GIPC2: variants seen among roughly 807,000 people sequenced by gnomAD.
The protein encoded by GIPC2 is GIPC PDZ domain containing family member 2, also known as PDZ domain-containing protein GIPC2.
A neutral mutation model predicts 30.6 loss-of-function variants in GIPC2; 30 were observed. The ratio of observed to expected loss-of-function variants is 0.98; its 90% CI spans 0.73 to 1.33. The LOEUF is 1.33. Ranked by LOEUF, GIPC2 falls within the 40% of genes most tolerant of loss-of-function variation. GIPC2 has a pLI of 0.00. For missense variants in GIPC2, 414 were observed against 390.3 expected, an observed-to-expected ratio of 1.06 and a Z score of -0.51; for synonymous variants, 167 against 150.0, an observed-to-expected ratio of 1.11 and a Z score of -0.83.
intron 5 of GIPC2, among the ~76,000 whole-genome samples, chr1:78,128,219 C>G (rs587574): frequency 6.6e-6 from 1 of 152,026 alleles, no homozygotes; most frequent in Non-Finnish European, 1.5e-5. Flanking sequence ...TTTTGTAGAG[C>G]TGGGGTCTAC....
At chr1:78,125,199 TTTAAA>T (rs570615797) in intron 4 of GIPC2, among the ~76,000 whole-genome samples, 176 of 152,220 alleles carry the variant, frequency 1.2e-3, no homozygotes, top group African/African-American at 4.0e-3. Context: ...CCTGGTTACT[TTTAAA>T]TTAAATTAAT....
intron 4 of GIPC2, among the ~76,000 whole-genome samples, chr1:78,122,316 A>G (rs1450995570): frequency 6.6e-6 from 1 of 152,252 alleles, no homozygotes; most frequent in Non-Finnish European, 1.5e-5. Context: ...GGGATTTAAA[A>G]CAAATCACTC....
chr1:78,089,640 G>T (rs149058415), intron 2 of GIPC2, among the ~76,000 whole-genome samples: 1 of 152,088 alleles, frequency 6.6e-6, no homozygotes, highest in African/African-American at 2.4e-5. Context: ...GCCACCATAC[G>T]TGGCCCAGAT....
In GIPC2 at chr1:78,125,982, A is replaced by G; in HGVS notation, c.796+20A>G. Reference sequence around the variant, plus strand: ...ATTTAGGTAAGATTATACTATTTAAAAAAGTCTTATATCTCTTAATCTGCT... The same window carrying G: ...ATTTAGGTAAGATTATACTATTTAAGAAAGTCTTATATCTCTTAATCTGCT... On this transcript the variant is annotated intron_variant, in intron 5 of 5. Transcript: ENST00000370759. 1 of 1,151,204 alleles carries G rather than the reference A, an allele frequency of 8.7e-7. No individual in the cohort carries two copies. The highest frequency in any genetic ancestry group is 1.2e-5 in the South Asian group (1 of 80,188). 71.3% of individuals were successfully genotyped at this position (1,151,204 alleles called of 1,614,324 possible).
intron 2 of GIPC2, among the ~76,000 whole-genome samples, chr1:78,084,532 C>T (rs1290860290): frequency 2.0e-5 from 3 of 147,112 alleles, no homozygotes; most frequent in African/African-American, 7.4e-5. Flanking sequence ...AAAAAAATTA[C>T]GAACTCGTAA....
intron 3 of GIPC2, among the ~76,000 whole-genome samples, chr1:78,118,989 TG>T (rs1220254962): frequency 6.6e-6 from 1 of 152,122 alleles, no homozygotes; most frequent in African/African-American, 2.4e-5. Flanking sequence ...ATTTTTTTTT[TG>T]TTTCTTCTTT....
rs1008679219 is a variant in GIPC2 at position 78,125,750 on chromosome 1, A to G, written c.715-131A>G. ...TATTTAGTTACAGAGCACATTCTAGATCTATTTCCATTAAAATTAGCTGAA... is the reference window on the plus strand; with the variant it reads ...TATTTAGTTACAGAGCACATTCTAGGTCTATTTCCATTAAAATTAGCTGAA... On this transcript the variant is annotated intron_variant, in intron 4 of 5. Transcript: ENST00000370759. 6.6e-6 allele frequency: 4 copies of G among 610,290 alleles called. No homozygotes were observed. The African/African-American group carries it at 7.4e-5, about 11-fold the overall frequency. The allele number at this position is 610,290 out of a possible 1,614,324, so 37.8% of individuals were successfully genotyped here.
At chr1:78,051,389 G>C (rs1661195504) in intron 1 of GIPC2, among the ~76,000 whole-genome samples, 1 of 152,194 alleles carries the variant, frequency 6.6e-6, no homozygotes, top group African/African-American at 2.4e-5. Context: ...TGTGATATTA[G>C]ATACCAAATA....
At chr1:78,109,386 G>A (rs946400610) in intron 3 of GIPC2, among the ~76,000 whole-genome samples, 1 of 152,186 alleles carries the variant, frequency 6.6e-6, no homozygotes, top group Non-Finnish European at 1.5e-5. Context: ...CAACCAATGA[G>A]AGTTATTTAC....
At chr1:78,053,275 G>T (rs1661227013) in intron 1 of GIPC2, among the ~76,000 whole-genome samples, 1 of 152,138 alleles carries the variant, frequency 6.6e-6, no homozygotes, top group South Asian at 2.1e-4. Context: ...TCTGACTGTG[G>T]TAATTTCTCC....
rs1462462005 is a variant in GIPC2 at position 78,083,169 on chromosome 1, C to T, written c.426+2309C>T. Among the ~76,000 whole-genome samples, 3 of 152,064 alleles carry T rather than the reference C, an allele frequency of 2.0e-5. No homozygotes were observed. In the East Asian group the frequency reaches 5.8e-4, roughly 29 times the overall value. ...AGGTCCAATTTAGGATCCTGTATTTCATTTATGTCTTTTTAGTCTTCTTTA... is the reference window on the plus strand; with the variant it reads ...AGGTCCAATTTAGGATCCTGTATTTTATTTATGTCTTTTTAGTCTTCTTTA... On this transcript the variant is annotated intron_variant, in intron 2 of 5. Transcript: ENST00000370759.
chr1:78,104,178 G>T (rs984841433), intron 3 of GIPC2, among the ~76,000 whole-genome samples: 6 of 151,016 alleles, frequency 4.0e-5, no homozygotes, highest in South Asian at 2.1e-4. Context: ...TGTGTAGAGG[G>T]GGGAGAGGGG....
chr1:78,079,640 A>G (rs1661788792), intron 1 of GIPC2, among the ~76,000 whole-genome samples: 1 of 152,228 alleles, frequency 6.6e-6, no homozygotes, highest in South Asian at 2.1e-4. Flanking sequence ...GGCATGAAAC[A>G]GCCATATTAA....
chr1:78,083,709 G>T (rs143290392), intron 2 of GIPC2, among the ~76,000 whole-genome samples: 2 of 152,130 alleles, frequency 1.3e-5, no homozygotes, highest in African/African-American at 4.8e-5. Flanking sequence ...ATGGGTACAT[G>T]ACTTCGTGTT....
intron 3 of GIPC2, among the ~76,000 whole-genome samples, chr1:78,097,795 G>A (rs1386504058): frequency 1.3e-5 from 2 of 152,118 alleles, no homozygotes; most frequent in African/African-American, 4.8e-5. Context: ...CTGTTTCAGG[G>A]GTGTGTGTAC....
Position 78,101,836 on chromosome 1 carries a change from C to T in GIPC2, c.607+6704C>T, listed in dbSNP as rs1342815006. Among the ~76,000 whole-genome samples the T allele has an allele frequency of 2.0e-5, 3 of 152,144 alleles. No homozygotes were observed. The East Asian group carries it at 5.8e-4, about 29-fold the overall frequency. ...AATGAGCTCAACCTTGCAGAGTTTG[C>T]CCTGTAAACCTAGATTTTCCCAAGG... On this transcript the variant is annotated intron_variant, in intron 3 of 5. Transcript: ENST00000370759.
At chr1:78,110,606 GA>G (rs1188128717) in intron 3 of GIPC2, among the ~76,000 whole-genome samples, 1 of 152,196 alleles carries the variant, frequency 6.6e-6, no homozygotes, top group Non-Finnish European at 1.5e-5. Flanking sequence ...AAGGGATAGA[GA>G]ACGAATGAAC....
At chr1:78,115,994 C>T (rs1181880646) in intron 3 of GIPC2, among the ~76,000 whole-genome samples, 1 of 152,174 alleles carries the variant, frequency 6.6e-6, no homozygotes, top group African/African-American at 2.4e-5. Flanking sequence ...TGTTCTCACA[C>T]TGCTATAAAG....
chr1:78,049,736 A>T (rs1182590697), intron 1 of GIPC2, among the ~76,000 whole-genome samples: 1 of 152,146 alleles, frequency 6.6e-6, no homozygotes, highest in Middle Eastern at 3.2e-3. Flanking sequence ...TTTTCATTTT[A>T]CAATTTAGTG....
Sources: allele counts gnomAD v4.1 joint callset (sites outside exome capture counted in the v4.1 genomes callset), GRCh38; gene constraint gnomAD v4.1.1; transcripts MANE v1.5; gene names NCBI Gene and HGNC (gene_info 2026-07-23, HGNC 2026-07-21).